The following VPS26C variants were observed in gnomAD, a reference collection of about 807,000 sequenced individuals.
VPS26C encodes vacuolar protein sorting-associated protein 26C.
In VPS26C, 19 loss-of-function variants were observed where a neutral mutation model predicts 30.6. The ratio of observed to expected loss-of-function variants is 0.62; its 90% CI spans 0.43 to 0.91. The LOEUF (loss-of-function observed/expected upper bound fraction) is 0.91, where lower values mean the gene tolerates loss of function less well. Among genes scored for constraint, VPS26C ranks in the 40% least tolerant of loss-of-function variants. VPS26C has a pLI of 0.00. For missense variants in VPS26C, 318 were observed against 385.1 expected (o/e 0.83, Z 1.46); for synonymous variants, 132 against 151.5 (o/e 0.87, Z 0.95).
intron 6 of VPS26C, 106 bp downstream of exon 6, chr21:37,228,117 G>A (rs139262794): frequency 0.011 from 15,732 of 1,459,948 alleles, 120 homozygotes; most frequent in Middle Eastern, 0.013. Flanking sequence ...GGGATTACAG[G>A]GGTGCGCCAC....
chr21:37,257,042 G>A lies in VPS26C; in HGVS notation c.57+10196C>T, dbSNP rs573780813. Among the ~76,000 whole-genome samples, 21 of 152,216 alleles carry A rather than the reference G, an allele frequency of 1.4e-4. No homozygotes were observed. Among genetic ancestry groups the A allele is most frequent in the African/African-American group, 5.1e-4 (21 of 41,514 alleles). ...AGCTACTCGGGAGGCTGAGGCAGGA[G>A]AATCGCTTGAGCCTGGGAGGTGGAG... On this transcript the variant is annotated intron_variant, in intron 1 of 7. Coordinates refer to ENST00000309117, the MANE Select transcript of VPS26C (RefSeq NM_006052.2). This position sits in a 1 kb window ranked among gnomAD's most constrained non-coding sequence, Gnocchi z 4.2.
chr21:37,228,772 C>G (rs1399271793), intron 5 of VPS26C: 1 of 165,496 alleles, frequency 6.0e-6, no homozygotes, highest in Non-Finnish European at 1.3e-5. Context: ...TGGCTCAGGC[C>G]CGTAATCCCA....
intron 6 of VPS26C, 87 bp from the exon 7 acceptor site, chr21:37,227,893 C>G: frequency 6.5e-7 from 1 of 1,541,498 alleles, no homozygotes; most frequent in South Asian, 1.2e-5. Context: ...CCAGTCTGCT[C>G]CAAGAATCCT....
rs529779452 is a variant in VPS26C, at chr21:37,257,945, G to GGCAGCGCCCACCAGCCT, written c.57+9276_57+9292dup. On this transcript the variant is annotated intron_variant, in intron 1 of 7. Coordinates refer to ENST00000309117, the MANE Select transcript of VPS26C (RefSeq NM_006052.2). The surrounding 1 kb of genome is among the most constrained non-coding windows in gnomAD (Gnocchi z 4.2). ...AAGCACCATGCAGCGCCCACCAGCC[G>GGCAGCGCCCACCAGCCT]GCAGCGCCCACCAGCCTGCGCTGCG... Among the ~76,000 whole-genome samples the GGCAGCGCCCACCAGCCT allele has an allele frequency of 0.028, 4,319 of 152,216 alleles. 207 individuals carry two copies. The highest frequency in any genetic ancestry group is 0.1 in the African/African-American group (4,138 of 41,510).
chr21:37,239,614 T>A (rs1404822088), intron 2 of VPS26C, among the ~76,000 whole-genome samples: 1 of 152,052 alleles, frequency 6.6e-6, no homozygotes, highest in African/African-American at 2.4e-5. Flanking sequence ...TTTTTTTTTT[T>A]TTTTTGGAGA....
At chr21:37,250,744 A>G in intron 1 of VPS26C, among the ~76,000 whole-genome samples, 1 of 151,936 alleles carries the variant, frequency 6.6e-6, no homozygotes, top group Non-Finnish European at 1.5e-5. Flanking sequence ...TACCAAAAAT[A>G]TAAAAATTAG....
intron 3 of VPS26C, among the ~76,000 whole-genome samples, chr21:37,237,930 C>T (rs182132300): frequency 2.0e-5 from 3 of 152,204 alleles, no homozygotes; most frequent in South Asian, 2.1e-4. Context: ...TATCTCACCC[C>T]GCGTGGACTC....
intron 1 of VPS26C, among the ~76,000 whole-genome samples, chr21:37,266,407 G>A (rs530501476): frequency 2.6e-5 from 4 of 152,258 alleles, no homozygotes; most frequent in African/African-American, 4.8e-5. Context: ...TTATTCCAAA[G>A]AGTGTTGGGG....
intron 5 of VPS26C, chr21:37,228,598 G>A (rs2085929735): frequency 4.1e-6 from 2 of 491,170 alleles, no homozygotes; most frequent in Non-Finnish European, 7.3e-6. Flanking sequence ...GACACTCTGT[G>A]TACAGAGAAT....
rs1452702170 is a variant in VPS26C at position 37,238,581 on chromosome 21, T to G, written c.230A>C (p.Glu77Ala). The change falls in exon 3 of 8, where the codon GAA (glutamate) becomes GCA (alanine). Residue 77 changes from glutamate (E) to alanine (A), a missense_variant. Physicochemically the swap from Glu to Ala is moderately radical, Grantham distance 107 (BLOSUM62 -1). Transcript: ENST00000309117. ...KPIQIINSTI[E>A]MVKPGKFPSG... ...GGGAAATTTCCCCGGCTTCACCATT[T>G]CTATGGTGCTGTTGATAATCTGGAT... 1 of 1,614,204 alleles carries G rather than the reference T, an allele frequency of 6.2e-7. No homozygotes were observed. The highest frequency in any genetic ancestry group is 1.3e-5 in the African/African-American group (1 of 75,038).
At chr21:37,227,829 C>T (rs769013727) in intron 6 of VPS26C, 23 bp from the exon 7 acceptor site, 13 of 1,586,844 alleles carry the variant, frequency 8.2e-6, no homozygotes, top group South Asian at 3.3e-5. Flanking sequence ...GGCCACATCA[C>T]GCGGTCAGGG....
At chr21:37,254,389 T>TG (rs1257234282) in intron 1 of VPS26C, among the ~76,000 whole-genome samples, 2 of 152,042 alleles carry the variant, frequency 1.3e-5, no homozygotes, top group African/African-American at 4.8e-5. Flanking sequence ...CAACCCACTT[T>TG]GGGAGGCTAG....
intron 4 of VPS26C, chr21:37,232,715 C>A (rs1348357130): frequency 1.1e-5 from 6 of 562,144 alleles, no homozygotes; most frequent in Non-Finnish European, 1.9e-5. Context: ...AAAATCAGAT[C>A]TAAGAAACAG....
chr21:37,267,212 C>A, intron 1 of VPS26C, 26 bp downstream of exon 1: 9 of 1,092,240 alleles, frequency 8.2e-6, no homozygotes, highest in Admixed American at 1.9e-5. Flanking sequence ...ACCCCACCTC[C>A]ATCCCCACCC....
intron 4 of VPS26C, among the ~76,000 whole-genome samples, chr21:37,232,828 G>A (rs1228668466): frequency 2.6e-5 from 4 of 152,298 alleles, no homozygotes; most frequent in South Asian, 2.1e-4. Context: ...CGAGGCAAGC[G>A]GGGCAGAGAG....
upstream of VPS26C, chr21:37,267,993 C>T (rs938339987): frequency 1.3e-5 from 2 of 152,304 alleles, no homozygotes; most frequent in Admixed American, 1.3e-4. Flanking sequence ...TGGCCGGCGG[C>T]TCGGTTGCCT....
At chr21:37,261,511 G>C (rs1408391791) in intron 1 of VPS26C, 1 of 151,750 alleles carries the variant, frequency 6.6e-6, no homozygotes, top group Admixed American at 6.6e-5. Context: ...TCACTTTCTT[G>C]TTAGTTACTC....
intron 3 of VPS26C, among the ~76,000 whole-genome samples, chr21:37,235,320 T>C (rs1167124348): frequency 6.6e-6 from 1 of 152,050 alleles, no homozygotes; most frequent in African/African-American, 2.4e-5. Context: ...TTTTAGTAGA[T>C]ACGGGGTTTC....
chr21:37,241,799 G>A (rs1204898226), intron 1 of VPS26C, among the ~76,000 whole-genome samples: 1 of 152,168 alleles, frequency 6.6e-6, no homozygotes, highest in Admixed American at 6.5e-5. Flanking sequence ...TCCAGCCTGG[G>A]TGACAGAGCA....
Sources: allele counts gnomAD v4.1 joint callset (sites outside exome capture counted in the v4.1 genomes callset), GRCh38; gene constraint gnomAD v4.1.1; non-coding constraint Gnocchi (gnomAD v3.1); transcripts MANE v1.5; gene names NCBI Gene and HGNC (gene_info 2026-07-23, HGNC 2026-07-21).